The following UVSSA variants were observed in gnomAD, a reference collection of about 807,000 sequenced individuals.
UVSSA encodes UV-stimulated scaffold protein A.
Under a neutral mutation model 73.9 loss-of-function variants are expected in UVSSA, and 72 were observed. The observed-to-expected ratio is 0.97, with a 90% CI of 0.81 to 1.19. The LOEUF (loss-of-function observed/expected upper bound fraction) is 1.19, where lower values mean the gene tolerates loss of function less well. UVSSA is among the 50% of genes most tolerant of loss of function. UVSSA has a pLI of 0.00. For synonymous variants in UVSSA, 454 were observed against 391.3 expected (o/e 1.16, Z -1.89); for missense variants, 1,150 against 965.0 (o/e 1.19, Z -2.54).
rs777003637 is a variant in UVSSA at position 1,386,138 on chromosome 4, G to A, written c.*177G>A. ...CGGCCGCTCTGCTGCTACAGGGTTC[G>A]GCATCGTCTGGTGATGGGTCTGGCC... On this transcript the variant is annotated 3_prime_UTR_variant, in exon 14 of 14. Coordinates refer to ENST00000389851, the MANE Select transcript of UVSSA (RefSeq NM_020894.4). 80 of 686,996 alleles carry A rather than the reference G, an allele frequency of 1.2e-4. 1 individual carries two copies. Among genetic ancestry groups the A allele is most frequent in the South Asian group, 7.3e-4 (41 of 56,300 alleles). 42.6% of individuals were successfully genotyped at this position (686,996 alleles called of 1,614,324 possible).
intron 7 of UVSSA, among the ~76,000 whole-genome samples, chr4:1,356,125 C>T (rs1265670444): frequency 6.6e-6 from 1 of 152,160 alleles, no homozygotes; most frequent in African/African-American, 2.4e-5. Flanking sequence ...ACCCCAACAC[C>T]CCTGAGCTCG....
intron 12 of UVSSA, among the ~76,000 whole-genome samples, chr4:1,382,601 C>T (rs1197413405): frequency 1.3e-5 from 2 of 152,234 alleles, no homozygotes; most frequent in African/African-American, 4.8e-5. Flanking sequence ...TGTGTTTAAA[C>T]AATTGCTCCA....
intron 12 of UVSSA, among the ~76,000 whole-genome samples, chr4:1,382,566 C>G (rs1719632379): frequency 6.6e-6 from 1 of 152,232 alleles, no homozygotes; most frequent in Non-Finnish European, 1.5e-5. Flanking sequence ...CGCTCCATCT[C>G]TGCTGGGTGC....
At chr4:1,347,866 T>A (rs1009401980) in intron 1 of UVSSA, 106 bp downstream of exon 1, 4 of 533,318 alleles carry the variant, frequency 7.5e-6, no homozygotes, top group African/African-American at 1.9e-5. Flanking sequence ...ACACACGGGA[T>A]TGTAGAGGTC....
chr4:1,371,242 G>A (rs1043356455), intron 8 of UVSSA, among the ~76,000 whole-genome samples: 3 of 146,428 alleles, frequency 2.0e-5, no homozygotes, highest in Non-Finnish European at 3.0e-5. Context: ...GTGAGAGTAC[G>A]TCTGTGGGTG....
intron 12 of UVSSA, among the ~76,000 whole-genome samples, chr4:1,382,710 T>G (rs565569267): frequency 3.8e-4 from 58 of 152,330 alleles, no homozygotes; most frequent in African/African-American, 1.4e-3. Context: ...TGTATCTGAA[T>G]TGTGGGCCCC....
At chr4:1,384,236 C>A in intron 13 of UVSSA, 1 of 438,892 alleles carries the variant, frequency 2.3e-6, no homozygotes, top group Non-Finnish European at 4.1e-6. Flanking sequence ...GGACACAGGC[C>A]TTGGCTGGTG....
upstream of UVSSA, among the ~76,000 whole-genome samples, chr4:1,345,038 G>A (rs1308167077): frequency 1.3e-5 from 2 of 152,160 alleles, no homozygotes. Context: ...CCTGGGATGG[G>A]AGCCGTCGGA....
chr4:1,375,408 C>CGGACGA lies in UVSSA; in HGVS notation c.1343_1348dup (p.Thr448_Arg449dup). 1 of 1,613,546 alleles carries CGGACGA rather than the reference C, an allele frequency of 6.2e-7. No individual in the cohort carries two copies. The highest frequency in any genetic ancestry group is 8.5e-7 in the Non-Finnish European group (1 of 1,180,016). On this transcript the variant is annotated inframe_insertion, in exon 9 of 14. Transcript: ENST00000389851. ...GAAAGACACAGTTGTGCGGTGCTTG[C>CGGACGA]GGACGAGGACGAGGATGGACGAGGA...
At chr4:1,364,194 T>A (rs1717003427) in intron 7 of UVSSA, among the ~76,000 whole-genome samples, 1 of 37,092 alleles carries the variant, frequency 2.7e-5, no homozygotes, top group African/African-American at 1.1e-4. Flanking sequence ...CCTGGCTCCG[T>A]GGGGGCCACC....
At chr4:1,351,901 C>T in intron 4 of UVSSA, 66 bp downstream of exon 4, 1 of 1,582,106 alleles carries the variant, frequency 6.3e-7, no homozygotes, top group Non-Finnish European at 8.6e-7. Context: ...AGCAGTTCAT[C>T]CTCCTGGTCC....
rs1714374337 is a variant in UVSSA, at chr4:1,349,693, A to C, written c.268A>C (p.Thr90Pro). 6.2e-7 allele frequency: 1 copy of C among 1,613,796 alleles called. No individual in the cohort carries two copies. Among genetic ancestry groups the C allele is most frequent in the Admixed American group, 1.7e-5 (1 of 59,988 alleles). Reference protein sequence around the residue: ...VSNFQEFLELTLGTDPAQPLP... With the variant: ...VSNFQEFLELPLGTDPAQPLP... Reference sequence around the variant, plus strand: ...CAACTTCCAGGAGTTCCTGGAGCTCACGCTGGGCACAGACCCCGCACAGCC... The same window carrying C: ...CAACTTCCAGGAGTTCCTGGAGCTCCCGCTGGGCACAGACCCCGCACAGCC... Residue 90 changes from threonine (T) to proline (P), a missense_variant, in exon 3 of 14, where the codon ACG (threonine) becomes CCG (proline). Coordinates refer to ENST00000389851, the MANE Select transcript of UVSSA (RefSeq NM_020894.4).
chr4:1,379,986 C>A, intron 10 of UVSSA, 61 bp from the exon 11 acceptor site: 1 of 1,522,954 alleles, frequency 6.6e-7, no homozygotes, highest in Non-Finnish European at 8.9e-7. Flanking sequence ...CCTGCACCAC[C>A]GTGGCCACGC....
At chr4:1,376,577 C>T (rs1718796350) in intron 10 of UVSSA, among the ~76,000 whole-genome samples, 1 of 152,192 alleles carries the variant, frequency 6.6e-6, no homozygotes, top group Admixed American at 6.5e-5. Context: ...GTCCAGACCT[C>T]AGGCGGGGGC....
intron 8 of UVSSA, among the ~76,000 whole-genome samples, chr4:1,373,293 C>G (rs769041571): frequency 6.6e-6 from 1 of 152,202 alleles, no homozygotes; most frequent in Non-Finnish European, 1.5e-5. Flanking sequence ...AACTTGGAGT[C>G]TGATGTTCGA....
intron 8 of UVSSA, among the ~76,000 whole-genome samples, chr4:1,371,849 G>A (rs767815012): frequency 9.2e-5 from 14 of 152,164 alleles, no homozygotes; most frequent in Admixed American, 6.6e-5. Context: ...GAAATCTCAC[G>A]GCATCTCTTA....
At position 1,354,915 on chromosome 4, in the gene UVSSA, C is replaced by G. The variant is rs942921938; in HGVS notation, c.1047+68C>G. 8.2e-6 allele frequency: 12 copies of G among 1,466,480 alleles called. No individual in the cohort carries two copies. In the African/African-American group the frequency reaches 1.8e-4, roughly 22 times the overall value. The allele number at this position is 1,466,480 out of a possible 1,614,324, so 90.8% of individuals were successfully genotyped here. ...AGAGTGCCATGCATGGGGGGGGTCC[C>G]TTTCTTGGGGGGACTGTGGCCCGGT... On this transcript the variant is annotated intron_variant, in intron 6 of 13. Coordinates refer to ENST00000389851, the MANE Select transcript of UVSSA (RefSeq NM_020894.4).
intron 13 of UVSSA, chr4:1,384,652 C>A (rs1577386008): frequency 6.6e-6 from 1 of 152,352 alleles, no homozygotes; most frequent in Admixed American, 6.5e-5. Flanking sequence ...GACTCCCTCC[C>A]AAATCTGTGT....
At position 1,349,041 on chromosome 4, in the gene UVSSA, T is replaced by TTTGTGCCGGGCGGTGGGC. The variant is rs141462094; in HGVS notation, c.99-483_99-482insTTGTGCCGGGCGGTGGGC. On this transcript the variant is annotated intron_variant, in intron 2 of 13. Coordinates refer to ENST00000389851, the MANE Select transcript of UVSSA (RefSeq NM_020894.4). ...TGTGCGGTTTGTGCCAGGCGGTGTG[T>TTTGTGCCGGGCGGTGGGC]GTTTGTGCCGGGCGGTTGGCGTTTG... 2.7e-4 allele frequency among the ~76,000 whole-genome samples: 32 copies of TTTGTGCCGGGCGGTGGGC among 120,650 alleles called. No individual in the cohort carries two copies. The South Asian group carries it at 3.6e-3, about 14-fold the overall frequency. The allele number at this position is 120,650 out of a possible 152,430, so 79.2% of individuals were successfully genotyped here. A position where few individuals can be genotyped will look rare whatever the true frequency, so the allele number is the denominator to read the frequency against.
Sources: gnomAD v4.1 joint callset for allele counts (sites outside exome capture counted in the v4.1 genomes callset) on GRCh38, gnomAD v4.1.1 for gene constraint, MANE v1.5 for transcripts, NCBI Gene and HGNC (gene_info 2026-07-23, HGNC 2026-07-21) for gene names.